The following RPP30 variants were observed in gnomAD, a reference collection of about 807,000 sequenced individuals.
RPP30 encodes the protein ribonuclease P protein subunit p30.
RPP30 carries 36 observed loss-of-function variants against 38.6 expected under a neutral mutation model. The ratio of observed to expected loss-of-function variants is 0.93; its 90% CI spans 0.71 to 1.23. RPP30 has a LOEUF of 1.23. Among genes scored for constraint, RPP30 ranks in the 50% most tolerant of loss-of-function variants. RPP30 has a pLI of 0.00. For synonymous variants in RPP30, 126 were observed against 112.7 expected (o/e 1.12, Z -0.75); for missense variants, 321 against 321.7 (o/e 1.00, Z 0.02).
chr10:90,889,896 C>T (rs1239968052), intron 6 of RPP30, among the ~76,000 whole-genome samples: 6 of 152,186 alleles, frequency 3.9e-5, no homozygotes, highest in Non-Finnish European at 5.9e-5. Flanking sequence ...AACTTGTCAT[C>T]GCATTTCTGT....
chr10:90,877,493 A>T (rs772596945), intron 4 of RPP30, among the ~76,000 whole-genome samples: 2 of 152,056 alleles, frequency 1.3e-5, no homozygotes. Flanking sequence ...ATGAAAGAGG[A>T]TGAGCTAGGA....
chr10:90,895,938 A>G (rs750081883), intron 9 of RPP30, 21 bp downstream of exon 9: 1 of 1,581,382 alleles, frequency 6.3e-7, no homozygotes, highest in South Asian at 1.2e-5. Context: ...CTGAGTAAAA[A>G]GTTGTTGACA....
At chr10:90,880,892 A>G (rs1005965534) in intron 5 of RPP30, among the ~76,000 whole-genome samples, 1 of 152,162 alleles carries the variant, frequency 6.6e-6, no homozygotes, top group African/African-American at 2.4e-5. Flanking sequence ...TTTGGGGTTG[A>G]TTCTGGGTAT....
At chr10:90,898,872 C>T (rs1393094476) in intron 10 of RPP30, among the ~76,000 whole-genome samples, 2 of 152,136 alleles carry the variant, frequency 1.3e-5, no homozygotes, top group African/African-American at 4.8e-5. Flanking sequence ...AAGTTCATGC[C>T]CTCAATCAGC....
intron 7 of RPP30, 136 bp from the exon 8 acceptor site, chr10:90,895,318 A>T: frequency 1.8e-6 from 1 of 559,822 alleles, no homozygotes; most frequent in Non-Finnish European, 3.1e-6. Flanking sequence ...TTTTCACCTT[A>T]ATTATTTACC....
Position 90,900,597 on chromosome 10 carries a change from T to C in RPP30, c.725T>C (p.Ile242Thr), listed in dbSNP as rs753787570. 1.1e-5 allele frequency: 18 copies of C among 1,613,046 alleles called. No homozygotes were observed. The highest frequency in any genetic ancestry group is 1.4e-5 in the Non-Finnish European group (16 of 1,179,618). Residue 242 changes from isoleucine to threonine, a missense_variant, in exon 11 of 11, where the codon ATC (isoleucine) becomes ACC (threonine). Coordinates refer to ENST00000371703, the MANE Select transcript of RPP30 (RefSeq NM_006413.5). ...ACTAGAAAAACTGCTTTTGGAATTATCTCTACAGTGAAGAAACCTCGGCCA... is the reference window on the plus strand; with the variant it reads ...ACTAGAAAAACTGCTTTTGGAATTACCTCTACAGTGAAGAAACCTCGGCCA... ...GETRKTAFGI[I>T]STVKKPRPSE...
intron 10 of RPP30, 30 bp downstream of exon 10, chr10:90,896,422 T>G (rs568985037): frequency 1.3e-6 from 2 of 1,577,652 alleles, no homozygotes; most frequent in East Asian, 4.5e-5. Flanking sequence ...ACAAACTGAA[T>G]GGTCATGTTA....
intron 6 of RPP30, among the ~76,000 whole-genome samples, chr10:90,891,617 C>T (rs1470903773): frequency 1.3e-5 from 2 of 152,144 alleles, no homozygotes; most frequent in Non-Finnish European, 2.9e-5. Flanking sequence ...ACATGCTATA[C>T]CTCTACAATA....
At chr10:90,883,991 G>T (rs1846965976) in intron 5 of RPP30, among the ~76,000 whole-genome samples, 1 of 151,728 alleles carries the variant, frequency 6.6e-6, no homozygotes, top group African/African-American at 2.4e-5. Context: ...CTAACACCAT[G>T]CTTCTTTTAC....
chr10:90,872,092 T>C (rs947340212), intron 1 of RPP30, 24 bp downstream of exon 1: 1 of 1,601,172 alleles, frequency 6.2e-7, no homozygotes, highest in Non-Finnish European at 8.6e-7. Context: ...GCTTCGCGCC[T>C]GGCCAACCTC....
chr10:90,902,331 C>G, downstream of RPP30: 1 of 387,104 alleles, frequency 2.6e-6, no homozygotes, highest in Non-Finnish European at 5.1e-6. Flanking sequence ...CATCCTCCCA[C>G]CTCAGCCTCC....
intron 6 of RPP30, among the ~76,000 whole-genome samples, chr10:90,893,200 GA>G (rs1847103138): frequency 6.6e-6 from 1 of 152,172 alleles, no homozygotes; most frequent in Non-Finnish European, 1.5e-5. Flanking sequence ...AAGAATTAAG[GA>G]AATCTGTGTT....
intron 5 of RPP30, among the ~76,000 whole-genome samples, chr10:90,885,275 T>G (rs1276707548): frequency 2.0e-5 from 3 of 152,240 alleles, no homozygotes; most frequent in African/African-American, 7.2e-5. Context: ...TGTAGATTCC[T>G]TCTATTAGTA....
chr10:90,895,860 C>T lies in RPP30; in HGVS notation c.580-20C>T, dbSNP rs1554863126. 1 of 1,566,784 alleles carries T rather than the reference C, an allele frequency of 6.4e-7. No individual in the cohort carries two copies. Among genetic ancestry groups the T allele is most frequent in the Non-Finnish European group, 8.7e-7 (1 of 1,146,126 alleles). ...TATAAATAATTTTCTCATATCTACT[C>T]TTTGTTCATTTTATTTCAGCCTTTA... On this transcript the variant is annotated intron_variant, in intron 8 of 10. Coordinates refer to ENST00000371703, the MANE Select transcript of RPP30 (RefSeq NM_006413.5).
chr10:90,904,112 G>A (rs937213150), downstream of RPP30, among the ~76,000 whole-genome samples: 3 of 152,072 alleles, frequency 2.0e-5, no homozygotes, highest in African/African-American at 7.2e-5. Context: ...AAACCTAATG[G>A]GAGGGACTTA....
downstream of RPP30, among the ~76,000 whole-genome samples, chr10:90,907,772 C>A (rs1193303951): frequency 6.6e-6 from 1 of 152,200 alleles, no homozygotes; most frequent in Non-Finnish European, 1.5e-5. Context: ...TCAAAGAAGT[C>A]TTTATAGAAG....
At chr10:90,872,527 C>G (rs1846793978) in intron 1 of RPP30, among the ~76,000 whole-genome samples, 1 of 151,930 alleles carries the variant, frequency 6.6e-6, no homozygotes, top group Admixed American at 6.6e-5. Context: ...ACTATCTAGA[C>G]AGAGAGAGGG....
chr10:90,896,331 C>G lies in RPP30; in HGVS notation c.636C>G (p.Leu212=). 1 of 1,614,096 alleles carries G rather than the reference C, an allele frequency of 6.2e-7. No homozygotes were observed. The highest frequency in any genetic ancestry group is 2.2e-5 in the East Asian group (1 of 44,892). The stretch of plus-strand genomic sequence containing the variant: ...CCCCAAGAGGCTTGCTGTTTGGGCT[C>G]TCTGAAAGTGACGCCAAGGCTGCGG... ...DVANLGLLFG[L]SESDAKAAVS... is the part of the protein sequence containing the mutation. Residue 212 remains leucine (L), a synonymous_variant, in exon 10 of 11, where the codon CTC becomes CTG. Coordinates refer to ENST00000371703, the MANE Select transcript of RPP30 (RefSeq NM_006413.5).
At chr10:90,878,928 A>T in intron 4 of RPP30, 135 bp from the exon 5 acceptor site, 1 of 659,024 alleles carries the variant, frequency 1.5e-6, no homozygotes, top group East Asian at 2.7e-5. Context: ...TTCTGCCAAC[A>T]TACAAAGCAA....
Sources: allele counts gnomAD v4.1 joint callset (sites outside exome capture counted in the v4.1 genomes callset), GRCh38; gene constraint gnomAD v4.1.1; transcripts MANE v1.5; gene names NCBI Gene and HGNC (gene_info 2026-07-23, HGNC 2026-07-21).